The following UNC13C variants were observed in gnomAD, a reference collection of about 807,000 sequenced individuals.
UNC13C encodes the protein protein unc-13 homolog C.
In UNC13C, 174 loss-of-function variants were observed where a neutral mutation model predicts 245.4. The observed-to-expected ratio is 0.71, with a 90% CI of 0.63 to 0.80. The LOEUF (loss-of-function observed/expected upper bound fraction) is 0.80, where lower values mean the gene tolerates loss of function less well. Among genes scored for constraint, UNC13C ranks in the 30% least tolerant of loss-of-function variants. The probability of loss-of-function intolerance (pLI) is 0.00; values close to 1 mark genes in which losing one functional copy is unlikely to be tolerated. For missense variants in UNC13C, 2,829 were observed against 2,602.9 expected (o/e 1.09, Z -1.89); for synonymous variants, 992 against 895.1 (o/e 1.11, Z -1.93).
At chr15:54,006,753 A>G (rs867021329) in intron 1 of UNC13C, among the ~76,000 whole-genome samples, 2 of 152,162 alleles carry the variant, frequency 1.3e-5, no homozygotes, top group African/African-American at 4.8e-5. Flanking sequence ...CCACCTCGAC[A>G]TGCTCCCCTT....
chr15:54,489,025 G>T (rs978549915), intron 19 of UNC13C, among the ~76,000 whole-genome samples: 1 of 152,070 alleles, frequency 6.6e-6, no homozygotes, highest in South Asian at 2.1e-4. Context: ...CTATATTTTT[G>T]AATTTGATAT....
intron 2 of UNC13C, among the ~76,000 whole-genome samples, chr15:54,026,067 A>T (rs1896096961): frequency 6.6e-6 from 1 of 152,004 alleles, no homozygotes; most frequent in African/African-American, 2.4e-5. Flanking sequence ...ACACATACAT[A>T]AAATGATAAT....
chr15:54,264,513 T>C (rs1032681136), intron 9 of UNC13C, 118 bp downstream of exon 9: 3 of 812,684 alleles, frequency 3.7e-6, no homozygotes, highest in African/African-American at 3.5e-5. Flanking sequence ...ATCATGTTAA[T>C]ATGAACAAGA....
At chr15:54,435,394 G>A (rs1161389719) in intron 19 of UNC13C, among the ~76,000 whole-genome samples, 1 of 152,024 alleles carries the variant, frequency 6.6e-6, no homozygotes, top group Non-Finnish European at 1.5e-5. Flanking sequence ...AATACATACA[G>A]CCATAAAAAA....
chr15:54,448,959 G>A (rs1478896601), intron 19 of UNC13C, among the ~76,000 whole-genome samples: 2 of 152,174 alleles, frequency 1.3e-5, no homozygotes, highest in African/African-American at 4.8e-5. Flanking sequence ...AGCTCTTGCA[G>A]GGCAGGCCTG....
chr15:53,949,781 T>C, the UNC13C span, among the ~76,000 whole-genome samples: 32 of 152,270 alleles, frequency 2.1e-4, no homozygotes, highest in Admixed American at 5.9e-4. Context: ...ATTAGGAAGG[T>C]TGGGAATTTG....
intron 4 of UNC13C, among the ~76,000 whole-genome samples, chr15:54,158,638 T>C (rs2899523): frequency 0.36 from 54,890 of 151,304 alleles, 11,220 homozygotes; most frequent in Non-Finnish European, 0.47. Flanking sequence ...TAATATTAGC[T>C]TTTTTTCTTT....
At chr15:54,413,788 A>C (rs2040461614) in intron 18 of UNC13C, among the ~76,000 whole-genome samples, 1 of 152,158 alleles carries the variant, frequency 6.6e-6, no homozygotes, top group South Asian at 2.1e-4. Flanking sequence ...CTTAGGTAAC[A>C]CTTTCCATAC....
intron 2 of UNC13C, among the ~76,000 whole-genome samples, chr15:54,061,751 T>C (rs1303682129): frequency 6.6e-6 from 1 of 152,160 alleles, no homozygotes; most frequent in Non-Finnish European, 1.5e-5. Flanking sequence ...CCTCACTGTA[T>C]GCAGCCTGAT....
intron 2 of UNC13C, among the ~76,000 whole-genome samples, chr15:54,028,288 T>C (rs142022838): frequency 1.1e-4 from 16 of 152,322 alleles, no homozygotes; most frequent in African/African-American, 3.8e-4. Flanking sequence ...AACTCAGTTA[T>C]TGAATAAGGC....
At chr15:54,407,444 G>T (rs539224023) in intron 18 of UNC13C, among the ~76,000 whole-genome samples, 3 of 152,092 alleles carry the variant, frequency 2.0e-5, no homozygotes, top group African/African-American at 4.8e-5. Flanking sequence ...TATGAAATAC[G>T]TAAGAAAGAG....
intron 5 of UNC13C, 79 bp from the exon 6 acceptor site, chr15:54,236,351 A>G: frequency 1.8e-6 from 2 of 1,133,732 alleles, no homozygotes; most frequent in African/African-American, 1.5e-5. Context: ...AGGCTAATTT[A>G]ACATTGTTAT....
At chr15:54,435,887 AAAAC>A (rs1433016333) in intron 19 of UNC13C, among the ~76,000 whole-genome samples, 4 of 152,060 alleles carry the variant, frequency 2.6e-5, no homozygotes, top group Non-Finnish European at 5.9e-5. Flanking sequence ...TACAAGAAAA[AAAAC>A]AAAACAAAAC....
chr15:53,875,871 C>T, the UNC13C span, among the ~76,000 whole-genome samples: 1 of 152,168 alleles, frequency 6.6e-6, no homozygotes, highest in African/African-American at 2.4e-5. Flanking sequence ...ATGGCAGACA[C>T]TGCAAGAAGA....
chr15:54,602,914 C>A (rs1347625303), intron 30 of UNC13C, among the ~76,000 whole-genome samples: 1 of 152,278 alleles, frequency 6.6e-6, no homozygotes, highest in Non-Finnish European at 1.5e-5. Flanking sequence ...TTCTGTGTTC[C>A]TGCAAGTTGG....
chr15:54,356,481 C>T (rs1206717671), intron 17 of UNC13C, among the ~76,000 whole-genome samples: 1 of 152,102 alleles, frequency 6.6e-6, no homozygotes, highest in Non-Finnish European at 1.5e-5. Flanking sequence ...ATTTATCGCT[C>T]ACAGTTCTCA....
intron 2 of UNC13C, among the ~76,000 whole-genome samples, chr15:54,078,626 C>A (rs1057391830): frequency 1.3e-5 from 2 of 152,038 alleles, no homozygotes; most frequent in Admixed American, 1.3e-4. Context: ...TGTATGGATT[C>A]TTTTGAGAAT....
chr15:53,952,277 T>G, the UNC13C span, among the ~76,000 whole-genome samples: 1 of 152,278 alleles, frequency 6.6e-6, no homozygotes, highest in Non-Finnish European at 1.5e-5. Flanking sequence ...TGGCTAAAAT[T>G]ATAAAGTTAC....
intron 2 of UNC13C, among the ~76,000 whole-genome samples, chr15:54,039,655 T>C (rs1896731488): frequency 1.3e-5 from 2 of 152,116 alleles, no homozygotes; most frequent in African/African-American, 2.4e-5. Flanking sequence ...GTGATCCCAT[T>C]TGGTCCCATA....
Sources: gnomAD v4.1 joint callset for allele counts (sites outside exome capture counted in the v4.1 genomes callset) on GRCh38, gnomAD v4.1.1 for gene constraint, MANE v1.5 for transcripts, NCBI Gene and HGNC (gene_info 2026-07-23, HGNC 2026-07-21) for gene names.